ZNF124: variants seen among roughly 807,000 people sequenced by gnomAD.
The protein encoded by ZNF124 is zinc finger protein HZF-16.
A neutral mutation model predicts 26.6 loss-of-function variants in ZNF124; 25 were observed. That is an observed-to-expected ratio of 0.94 (90% CI 0.68 to 1.31). ZNF124 has a LOEUF of 1.31. Ranked by LOEUF, ZNF124 falls within the 40% of genes most tolerant of loss-of-function variation. ZNF124 has a pLI of 0.00. For missense variants in ZNF124, 444 were observed against 422.2 expected (o/e 1.05, Z -0.45); for synonymous variants, 129 against 133.3 (o/e 0.97, Z 0.22).
At chr1:247,137,507 A>AAAAAAAAAAAAAAC (rs1672514520) in intron 3 of ZNF124, among the ~76,000 whole-genome samples, 1 of 143,980 alleles carries the variant, frequency 6.9e-6, no homozygotes, top group Non-Finnish European at 1.5e-5. Context: ...AAAAAAAAAA[A>AAAAAAAAAAAAAAC]AAAGAAAGAA....
chr1:247,149,152 ACAGCC>A (rs758487467), intron 3 of ZNF124, among the ~76,000 whole-genome samples: 40 of 152,338 alleles, frequency 2.6e-4, no homozygotes, highest in Non-Finnish European at 4.6e-4. Flanking sequence ...CCTGAAAAAG[ACAGCC>A]CAGAAGAAAC....
chr1:247,162,111 A>G (rs1673513498), intron 1 of ZNF124, among the ~76,000 whole-genome samples: 1 of 152,168 alleles, frequency 6.6e-6, no homozygotes, highest in Non-Finnish European at 1.5e-5. Context: ...AGAGTTCCTA[A>G]AGGTAGTGCT....
chr1:247,126,000 A>G (rs1229893556), intron 3 of ZNF124, among the ~76,000 whole-genome samples: 1 of 150,904 alleles, frequency 6.6e-6, no homozygotes, highest in African/African-American at 2.5e-5. Flanking sequence ...ACAGTGGCTC[A>G]CACCTATAAT....
chr1:247,162,618 CA>C (rs201609845), intron 1 of ZNF124, among the ~76,000 whole-genome samples: 6,345 of 78,482 alleles, frequency 0.081, 236 homozygotes, highest in South Asian at 0.24. Context: ...TAACCCTTGG[CA>C]AAAAAAAAAA....
rs1673322403 is a variant in ZNF124, at chr1:247,159,017, T to C, written c.207A>G (p.Ser69=). 2 of 1,613,516 alleles carry C rather than the reference T, an allele frequency of 1.2e-6. No individual in the cohort carries two copies. Among genetic ancestry groups the C allele is most frequent in the South Asian group, 2.2e-5 (2 of 90,944 alleles). Residue 69 remains serine (S), a synonymous_variant, in exon 3 of 4, where the codon TCA becomes TCG. Coordinates refer to ENST00000543802, the MANE Select transcript of ZNF124 (RefSeq NM_001297568.2). The stretch of plus-strand genomic sequence containing the variant: ...TGAGGGCAAATTACCTTAGATTTCT[T>C]GAAGAATTTTTGTACTGATCTTCAA... ...QSIEDQYKNS[S]RNLRHIISHS...
In ZNF124 at chr1:247,156,536, T is replaced by G. The variant is rs1173394823; in HGVS notation, c.*30A>C. The G allele has an allele frequency of 6.7e-7, 1 of 1,499,822 alleles. No individual in the cohort carries two copies. Among genetic ancestry groups the G allele is most frequent in the Non-Finnish European group, 8.9e-7 (1 of 1,127,690 alleles). 92.9% of individuals were successfully genotyped at this position (1,499,822 alleles called of 1,614,324 possible). On this transcript the variant is annotated 3_prime_UTR_variant, in exon 4 of 4. Coordinates refer to ENST00000543802, the MANE Select transcript of ZNF124 (RefSeq NM_001297568.2). ...CTCTCAAGTATGTGACTGTTCATGTTTTTGACAAAAACTGTAGTGATTAAA... is the reference window on the plus strand; with the variant it reads ...CTCTCAAGTATGTGACTGTTCATGTGTTTGACAAAAACTGTAGTGATTAAA...
At chr1:247,158,938 T>C in intron 3 of ZNF124, 68 bp downstream of exon 3, 3 of 1,474,604 alleles carry the variant, frequency 2.0e-6, no homozygotes, top group Non-Finnish European at 2.8e-6. Context: ...CTTGTTTGCT[T>C]TAAACATATG....
upstream of ZNF124, chr1:247,172,213 T>C (rs1307746868): frequency 4.7e-5 from 7 of 148,888 alleles, no homozygotes; most frequent in South Asian, 1.3e-3. Flanking sequence ...CTCTCTGGGT[T>C]GGGACCCAGC....
chr1:247,141,299 T>G (rs534668665), intron 3 of ZNF124, among the ~76,000 whole-genome samples: 2 of 151,212 alleles, frequency 1.3e-5, no homozygotes, highest in South Asian at 4.2e-4. Flanking sequence ...GCAGTTCCAC[T>G]GCAGACAGCG....
chr1:247,159,126 A>C, intron 2 of ZNF124, 60 bp from the exon 3 acceptor site: 1 of 1,498,978 alleles, frequency 6.7e-7, no homozygotes, highest in East Asian at 2.4e-5. Context: ...AAATTACTAG[A>C]CTCTAGGTGC....
chr1:247,138,744 A>G (rs1342958041), intron 3 of ZNF124: 1 of 398,530 alleles, frequency 2.5e-6, no homozygotes, highest in East Asian at 3.6e-5. Flanking sequence ...GCACATCTTC[A>G]TGAACCAGTA....
downstream of ZNF124, among the ~76,000 whole-genome samples, chr1:247,151,246 G>A (rs973804863): frequency 1.3e-5 from 2 of 152,194 alleles, no homozygotes; most frequent in African/African-American, 2.4e-5. Context: ...TTGGGAGGTC[G>A]AGGCGGGCGG....
intron 3 of ZNF124, among the ~76,000 whole-genome samples, chr1:247,149,591 C>G (rs1572073270): frequency 1.3e-5 from 2 of 152,144 alleles, no homozygotes; most frequent in African/African-American, 4.8e-5. Flanking sequence ...CACAGAAAGA[C>G]AAATGTTATA....
intron 1 of ZNF124, among the ~76,000 whole-genome samples, chr1:247,169,551 C>T (rs2103140963): frequency 6.6e-6 from 1 of 152,218 alleles, no homozygotes; most frequent in South Asian, 2.1e-4. Flanking sequence ...GTCCTCCCAC[C>T]CCATCCTGCT....
intron 3 of ZNF124, among the ~76,000 whole-genome samples, chr1:247,135,538 T>C (rs1373273610): frequency 6.6e-6 from 1 of 152,130 alleles, no homozygotes; most frequent in Non-Finnish European, 1.5e-5. Context: ...CAGTAATTAA[T>C]AGCCTACCAA....
chr1:247,165,753 A>G (rs1673743519), intron 1 of ZNF124, among the ~76,000 whole-genome samples: 1 of 152,228 alleles, frequency 6.6e-6, no homozygotes, highest in South Asian at 2.1e-4. Flanking sequence ...AAAGTGGGCA[A>G]AGGACATGAA....
downstream of ZNF124, among the ~76,000 whole-genome samples, chr1:247,151,478 CAAAA>C (rs565076160): frequency 2.7e-5 from 2 of 73,702 alleles, no homozygotes; most frequent in African/African-American, 4.6e-5. Flanking sequence ...GACTCCGTCT[CAAAA>C]AAAAAAAAAA....
At position 247,159,771 on chromosome 1, in the gene ZNF124, C is replaced by T; in HGVS notation, c.73G>A (p.Glu25Lys). 1 of 1,613,760 alleles carries T rather than the reference C, an allele frequency of 6.2e-7. No homozygotes were observed. Among genetic ancestry groups the T allele is most frequent in the Non-Finnish European group, 8.5e-7 (1 of 1,179,912 alleles). Residue 25 changes from glutamate to lysine, a missense_variant, in exon 2 of 4, where the codon GAG (glutamate) becomes AAG (lysine). Glu to Lys is a moderately conservative substitution (Grantham distance 56, BLOSUM62 1). Transcript: ENST00000543802. ...FEDVAVNFTQ[E>K]EWALLDPSQK... ...GAAGGATCCAACAAAGCCCACTCCTCCTGGGTGAAGTTCACAGCCACATCC... is the reference window on the plus strand; with the variant it reads ...GAAGGATCCAACAAAGCCCACTCCTTCTGGGTGAAGTTCACAGCCACATCC...
exon 4 of ZNF124, chr1:247,123,791 A>T (rs780073379): frequency 1.4e-6 from 1 of 699,224 alleles, no homozygotes; most frequent in Non-Finnish European, 2.6e-6. Context: ...CACGAAGTTA[A>T]TCCTGAGTCC....
Sources: allele counts gnomAD v4.1 joint callset (sites outside exome capture counted in the v4.1 genomes callset), GRCh38; gene constraint gnomAD v4.1.1; transcripts MANE v1.5; gene names NCBI Gene and HGNC (gene_info 2026-07-23, HGNC 2026-07-21).